The following CENPW variants were observed in gnomAD, a reference collection of about 807,000 sequenced individuals.
CENPW encodes the protein centromere protein W.
Under a neutral mutation model 11.1 loss-of-function variants are expected in CENPW, and 3 were observed. The observed-to-expected ratio is 0.27, with a 90% confidence interval of 0.12 to 0.70. The LOEUF is 0.70. CENPW is among the 30% of genes least tolerant of loss of function. The probability of loss-of-function intolerance (pLI) is 0.77; values close to 1 mark genes in which losing one functional copy is unlikely to be tolerated. For synonymous variants in CENPW, 38 were observed against 42.0 expected (o/e 0.91, Z 0.37); for missense variants, 100 against 105.6 (o/e 0.95, Z 0.23).
chr6:126,453,892 G>A, the CENPW span, among the ~76,000 whole-genome samples: 7 of 151,170 alleles, frequency 4.6e-5, no homozygotes, highest in East Asian at 1.4e-3. Flanking sequence ...ACAGAAAAAA[G>A]CAAGGGTTGT....
At chr6:126,380,078 T>C in the CENPW span, among the ~76,000 whole-genome samples, 1 of 152,158 alleles carries the variant, frequency 6.6e-6, no homozygotes, top group African/African-American at 2.4e-5. Flanking sequence ...AGTTCATCAC[T>C]AAAGTGACTT....
At chr6:126,464,582 C>T in the CENPW span, among the ~76,000 whole-genome samples, 8 of 152,150 alleles carry the variant, frequency 5.3e-5, no homozygotes, top group African/African-American at 1.9e-4. Flanking sequence ...ATGCTGGATG[C>T]TTCCTGCCCT....
At chr6:126,353,923 C>A in the CENPW span, among the ~76,000 whole-genome samples, 2 of 151,954 alleles carry the variant, frequency 1.3e-5, no homozygotes, top group South Asian at 4.1e-4. Flanking sequence ...TCCTTGCATG[C>A]CTACAGTTGA....
intron 1 of CENPW, among the ~76,000 whole-genome samples, chr6:126,343,822 A>G (rs1007487641): frequency 6.6e-6 from 1 of 152,168 alleles, no homozygotes; most frequent in Non-Finnish European, 1.5e-5. Context: ...GGGTCTGCCC[A>G]GTCCACTGAC....
At chr6:126,470,018 A>G in the CENPW span, among the ~76,000 whole-genome samples, 11 of 152,240 alleles carry the variant, frequency 7.2e-5, no homozygotes, top group African/African-American at 2.7e-4. Flanking sequence ...ATGAGGTAGA[A>G]AAGAAAAACC....
chr6:126,391,689 G>A, the CENPW span, among the ~76,000 whole-genome samples: 1 of 151,746 alleles, frequency 6.6e-6, no homozygotes, highest in Non-Finnish European at 1.5e-5. Context: ...TTCTGCATAG[G>A]GATATCTAGT....
the CENPW span, among the ~76,000 whole-genome samples, chr6:126,390,128 A>G: frequency 6.6e-6 from 1 of 151,856 alleles, no homozygotes; most frequent in African/African-American, 2.4e-5. Context: ...ATACTCAACC[A>G]ATCATCAAAT....
the CENPW span, among the ~76,000 whole-genome samples, chr6:126,468,966 C>G: frequency 6.6e-6 from 1 of 152,024 alleles, no homozygotes; most frequent in African/African-American, 2.4e-5. Context: ...CCACGCCTGG[C>G]TAATTTTTGT....
chr6:126,464,197 A>T, the CENPW span, among the ~76,000 whole-genome samples: 1 of 152,144 alleles, frequency 6.6e-6, no homozygotes, highest in Non-Finnish European at 1.5e-5. Context: ...TCTCCATATT[A>T]AAAATTATAA....
chr6:126,437,375 A>G, the CENPW span, among the ~76,000 whole-genome samples: 2 of 151,954 alleles, frequency 1.3e-5, no homozygotes, highest in Admixed American at 6.6e-5. Flanking sequence ...ACTCTGGCCC[A>G]GTTGAATTTG....
At chr6:126,405,131 T>C in the CENPW span, among the ~76,000 whole-genome samples, 1 of 152,140 alleles carries the variant, frequency 6.6e-6, no homozygotes, top group East Asian at 1.9e-4. Context: ...TTTATAGTTT[T>C]AGGTCTTACA....
At chr6:126,452,080 CAT>C in the CENPW span, among the ~76,000 whole-genome samples, 1 of 151,028 alleles carries the variant, frequency 6.6e-6, no homozygotes, top group African/African-American at 2.4e-5. Flanking sequence ...ACATTGAAAT[CAT>C]AGACTGCAGA....
the CENPW span, among the ~76,000 whole-genome samples, chr6:126,414,259 A>G: frequency 2.0e-5 from 3 of 152,118 alleles, no homozygotes; most frequent in African/African-American, 7.2e-5. Flanking sequence ...TAGATAATCT[A>G]GAAACAAAAT....
the CENPW span, among the ~76,000 whole-genome samples, chr6:126,395,300 T>C: frequency 6.6e-6 from 1 of 152,160 alleles, no homozygotes; most frequent in Non-Finnish European, 1.5e-5. Context: ...TTCTTCTGCT[T>C]TGTGAATTCT....
the CENPW span, among the ~76,000 whole-genome samples, chr6:126,454,568 C>A: frequency 3.3e-5 from 5 of 150,986 alleles, no homozygotes; most frequent in African/African-American, 1.2e-4. Flanking sequence ...ACACAGCTAA[C>A]GCAACATTAA....
chr6:126,430,999 A>G, the CENPW span, among the ~76,000 whole-genome samples: 7 of 152,146 alleles, frequency 4.6e-5, no homozygotes, highest in African/African-American at 1.7e-4. Context: ...GTTTTATAAA[A>G]TAAGAAACAC....
the CENPW span, among the ~76,000 whole-genome samples, chr6:126,455,477 CA>C: frequency 4.6e-5 from 7 of 151,454 alleles, no homozygotes; most frequent in South Asian, 1.5e-3. Flanking sequence ...ACCACACAAT[CA>C]TCTCAATAGA....
At chr6:126,358,768 G>A in the CENPW span, among the ~76,000 whole-genome samples, 3 of 151,904 alleles carry the variant, frequency 2.0e-5, no homozygotes, top group Non-Finnish European at 4.4e-5. Context: ...TTTTGGAGTA[G>A]TTTCAGTAAA....
chr6:126,410,369 A>G, the CENPW span, among the ~76,000 whole-genome samples: 1 of 152,076 alleles, frequency 6.6e-6, no homozygotes, highest in South Asian at 2.1e-4. Flanking sequence ...CTGTCAGTCA[A>G]GTAAGGATTT....
Sources: allele counts gnomAD v4.1 joint callset (sites outside exome capture counted in the v4.1 genomes callset), GRCh38; gene constraint gnomAD v4.1.1; transcripts MANE v1.5; gene names NCBI Gene and HGNC (gene_info 2026-07-23, HGNC 2026-07-21).